The following ADGRD1 variants were observed in gnomAD, a reference collection of about 807,000 sequenced individuals.
ADGRD1 encodes the protein G-protein coupled receptor 133.
ADGRD1 carries 77 observed loss-of-function variants against 113.4 expected under a neutral mutation model. The observed-to-expected ratio is 0.68, with a 90% confidence interval of 0.57 to 0.82. The LOEUF (loss-of-function observed/expected upper bound fraction) is 0.82, where lower values mean the gene tolerates loss of function less well. Among genes scored for constraint, ADGRD1 ranks in the 40% least tolerant of loss-of-function variants. The pLI, the probability that ADGRD1 is intolerant of heterozygous loss-of-function variation, is 0.00. For missense variants in ADGRD1, 1,036 were observed against 1,139.1 expected (o/e 0.91, Z 1.30); for synonymous variants, 474 against 475.0 (o/e 1.00, Z 0.03).
chr12:131,110,171 G>T (rs1163004540), intron 18 of ADGRD1, among the ~76,000 whole-genome samples: 1 of 152,096 alleles, frequency 6.6e-6, no homozygotes, highest in East Asian at 1.9e-4. Flanking sequence ...CTTTTGGCTG[G>T]GTCATTTAAT....
At chr12:131,056,917 A>G (rs1469200239) in intron 13 of ADGRD1, among the ~76,000 whole-genome samples, 1 of 152,176 alleles carries the variant, frequency 6.6e-6, no homozygotes, top group African/African-American at 2.4e-5. Context: ...AGAACTGAAG[A>G]CACCCATGTC....
intron 15 of ADGRD1, chr12:131,092,124 T>A (rs1203140369): frequency 6.6e-6 from 1 of 152,296 alleles, no homozygotes; most frequent in Non-Finnish European, 1.5e-5. Context: ...AGCTCAACTT[T>A]CTGTCCTCCC....
chr12:131,102,688 C>G (rs1395568539), intron 15 of ADGRD1, among the ~76,000 whole-genome samples: 1 of 152,190 alleles, frequency 6.6e-6, no homozygotes, highest in Non-Finnish European at 1.5e-5. Context: ...GAGGCACACA[C>G]CCAGGGGACA....
chr12:131,000,950 T>C (rs1426988238), intron 9 of ADGRD1, among the ~76,000 whole-genome samples: 1 of 152,186 alleles, frequency 6.6e-6, no homozygotes, highest in African/African-American at 2.4e-5. Context: ...CAGAATGCCT[T>C]GTCCTCTAAG....
intron 4 of ADGRD1, among the ~76,000 whole-genome samples, chr12:130,979,127 C>T (rs1872664188): frequency 6.6e-6 from 1 of 152,206 alleles, no homozygotes; most frequent in Non-Finnish European, 1.5e-5. Context: ...GGCCTCTGTG[C>T]AACCCCCACA....
chr12:131,050,218 G>GTCATCATCATCATCA lies in ADGRD1; in HGVS notation c.1474-26576_1474-26562dup, dbSNP rs3072393. ...TCAAGTTGAAATCACCATCGTCATC[G>GTCATCATCATCATCA]TCATCATCATCATCATCATCAATGA... On this transcript the variant is annotated intron_variant, in intron 13 of 24. Transcript: ENST00000261654. The surrounding 1 kb of genome is among the most constrained non-coding windows in gnomAD (Gnocchi z 4.8). Among the ~76,000 whole-genome samples the GTCATCATCATCATCA allele has an allele frequency of 6.6e-6, 1 of 150,798 alleles. No homozygotes were observed. Among genetic ancestry groups the GTCATCATCATCATCA allele is most frequent in the Non-Finnish European group, 1.5e-5 (1 of 67,662 alleles).
In ADGRD1 at chr12:131,004,251, G is replaced by A. The variant is rs749195476; in HGVS notation, c.1210G>A (p.Gly404Arg). Residue 404 changes from glycine to arginine, a missense_variant, in exon 11 of 25, where the codon GGG (glycine) becomes AGG (arginine). Transcript: ENST00000261654. Reference protein sequence around the residue: ...NSSHYRFPAHGQSFIQIPHEA... With the variant: ...NSSHYRFPAHRQSFIQIPHEA... ...CTCCCATTACCGCTTCCCGGCCCAC[G>A]GGCAGAGCTTCATCCAGATCCCCCA... The A allele has an allele frequency of 3.2e-5, 52 of 1,613,668 alleles. No homozygotes were observed. The highest frequency in any genetic ancestry group is 3.0e-4 in the Admixed American group (18 of 59,976).
In ADGRD1 at chr12:130,987,371, G is replaced by C. The variant is rs763867099; in HGVS notation, c.745+22G>C. 21 of 1,612,742 alleles carry C rather than the reference G, an allele frequency of 1.3e-5. No homozygotes were observed. The South Asian group carries it at 2.3e-4, about 18-fold the overall frequency. On this transcript the variant is annotated intron_variant, in intron 6 of 24. Coordinates refer to ENST00000261654, the MANE Select transcript of ADGRD1 (RefSeq NM_198827.5). ...ATTGGTCAGTGAGTGTGAAGGGCTG[G>C]GGCAGATCCGCTGTCTGTTCCCAGG...
rs764427552 is a variant in ADGRD1, at chr12:131,002,737, G to A, written c.1027-448G>A. On this transcript the variant is annotated intron_variant, in intron 9 of 24. Coordinates refer to ENST00000261654, the MANE Select transcript of ADGRD1 (RefSeq NM_198827.5). ...AGATAGCTCTGGGTGCCGGCACCTC[G>A]GAAGCAGCCACCCTTCATGGAGAAG... 13 of 1,256,270 alleles carry A rather than the reference G, an allele frequency of 1.0e-5. No individual in the cohort carries two copies. In the Admixed American group the frequency reaches 1.1e-4, roughly 10 times the overall value. The allele number at this position is 1,256,270 out of a possible 1,614,324, so 77.8% of individuals were successfully genotyped here.
chr12:130,958,803 C>T (rs1869995292), intron 2 of ADGRD1, among the ~76,000 whole-genome samples: 1 of 147,010 alleles, frequency 6.8e-6, no homozygotes, highest in Admixed American at 6.8e-5. Flanking sequence ...CTAAAGAGTG[C>T]TAAACAGCTA....
intron 4 of ADGRD1, among the ~76,000 whole-genome samples, chr12:130,979,565 C>T (rs1169443462): frequency 1.3e-5 from 2 of 152,152 alleles, no homozygotes; most frequent in African/African-American, 2.4e-5. Flanking sequence ...TCCATAACCT[C>T]ATGTGAAGGT....
Position 131,111,334 on chromosome 12 carries a change from C to T in ADGRD1, c.2041+2457C>T, listed in dbSNP as rs11061331. Among the ~76,000 whole-genome samples, 22 of 152,240 alleles carry T rather than the reference C, an allele frequency of 1.4e-4. 1 individual carries two copies. In the East Asian group the frequency reaches 2.3e-3, roughly 16 times the overall value. ...CCTGAACTTTTGGGCACAAGCAGTC[C>T]GCCCACTTCAGCCTCCCAAAGGGCT... On this transcript the variant is annotated intron_variant, in intron 18 of 24. Transcript: ENST00000261654.
Position 131,140,610 on chromosome 12 carries a change from A to G in ADGRD1, c.*1347A>G, listed in dbSNP as rs950513254. ...CTCTTCCTTTAAAACTGTGACCATG[A>G]TTTCATTCAGCCCCTCCACACCCCT... On this transcript the variant is annotated 3_prime_UTR_variant, in exon 25 of 25. Coordinates refer to ENST00000261654, the MANE Select transcript of ADGRD1 (RefSeq NM_198827.5). The G allele has an allele frequency of 3.9e-5, 6 of 152,170 alleles. No homozygotes were observed. Among genetic ancestry groups the G allele is most frequent in the Non-Finnish European group, 5.9e-5 (4 of 68,056 alleles). 9.4% of individuals were successfully genotyped at this position (152,170 alleles called of 1,614,324 possible).
At chr12:131,097,522 G>A (rs11610185) in intron 15 of ADGRD1, among the ~76,000 whole-genome samples, 29,380 of 152,246 alleles carry the variant, frequency 0.19, 4,126 homozygotes, top group East Asian at 0.65. Context: ...GCCCGGGGGA[G>A]GCTGGCTGCA....
At chr12:130,997,040 C>T (rs1308539) in intron 8 of ADGRD1, among the ~76,000 whole-genome samples, 19 of 124,054 alleles carry the variant, frequency 1.5e-4, no homozygotes, top group Admixed American at 3.8e-4. Context: ...CCGGACGGGG[C>T]GGCTGGCCAG....
At chr12:131,138,378 T>C (rs2136119045) in intron 24 of ADGRD1, 149 bp downstream of exon 24, 1 of 667,974 alleles carries the variant, frequency 1.5e-6, no homozygotes, top group East Asian at 2.7e-5. Context: ...CTGCACGTGC[T>C]CTGGGCTTGT....
At chr12:130,970,260 A>G (rs4759530) in intron 3 of ADGRD1, 121,282 of 152,158 alleles carry the variant, frequency 0.8, 51,981 homozygotes, top group East Asian at 0.95. Flanking sequence ...TTTCAACACA[A>G]AAACTGACTG....
intron 3 of ADGRD1, chr12:130,968,792 G>A (rs1409666586): frequency 3.4e-6 from 2 of 584,016 alleles, no homozygotes; most frequent in Non-Finnish European, 6.1e-6. Context: ...GAGTGGCCGA[G>A]CTGCTGACCA....
chr12:130,957,155 C>T (rs1869711894), intron 2 of ADGRD1: 2 of 152,324 alleles, frequency 1.3e-5, no homozygotes, highest in African/African-American at 4.8e-5. Context: ...TGTGCCAACA[C>T]ATGTCTACGT....
Sources: gnomAD v4.1 joint callset for allele counts (sites outside exome capture counted in the v4.1 genomes callset) on GRCh38, gnomAD v4.1.1 for gene constraint, Gnocchi (gnomAD v3.1) non-coding constraint, MANE v1.5 for transcripts, NCBI Gene and HGNC (gene_info 2026-07-23, HGNC 2026-07-21) for gene names.